Variants in PTPRD observed in about 807,000 individuals in gnomAD.
PTPRD encodes protein tyrosine phosphatase receptor type D.
Under a neutral mutation model 214.5 loss-of-function variants are expected in PTPRD, and 34 were observed. That is an observed-to-expected ratio of 0.16 (90% confidence interval 0.12 to 0.21). The LOEUF (loss-of-function observed/expected upper bound fraction) is 0.21. Among genes scored for constraint, PTPRD ranks in the 10% least tolerant of loss-of-function variants. The pLI is 1.00. For synonymous variants in PTPRD, 1,128 were observed against 845.7 expected, an observed-to-expected ratio of 1.33 and a Z score of -5.79; for missense variants, 2,545 against 2,398.7, an observed-to-expected ratio of 1.06 and a Z score of -1.27.
chr9:8,710,365 C>G (rs1172748153), intron 12 of PTPRD, among the ~76,000 whole-genome samples: 1 of 152,124 alleles, frequency 6.6e-6, no homozygotes, highest in Non-Finnish European at 1.5e-5. Flanking sequence ...GCCTGTAATC[C>G]TAGCACTCTG....
intron 11 of PTPRD, among the ~76,000 whole-genome samples, chr9:8,754,578 C>T (rs568889554): frequency 1.2e-4 from 18 of 152,128 alleles, no homozygotes; most frequent in Admixed American, 2.0e-4. Flanking sequence ...TGACCCTCTA[C>T]CTCACACCAT....
intron 2 of PTPRD, among the ~76,000 whole-genome samples, chr9:10,407,485 T>C (rs188434295): frequency 6.6e-6 from 1 of 151,668 alleles, no homozygotes; most frequent in East Asian, 2.0e-4. Context: ...ATATAGTTGG[T>C]TGGCTAGCAC....
At chr9:10,395,690 C>G (rs553082890) in intron 2 of PTPRD, among the ~76,000 whole-genome samples, 77 of 152,036 alleles carry the variant, frequency 5.1e-4, no homozygotes, top group African/African-American at 1.8e-3. Flanking sequence ...GATATTCATA[C>G]ACATAAGCTG....
intron 11 of PTPRD, among the ~76,000 whole-genome samples, chr9:8,893,589 G>A (rs1016468121): frequency 6.6e-6 from 1 of 152,178 alleles, no homozygotes; most frequent in African/African-American, 2.4e-5. Context: ...GAGCTCTTAT[G>A]GCTTTTTGCT....
rs907727333 is a variant in PTPRD at position 9,025,487 on chromosome 9, C to A, written c.-142-6752G>T. On this transcript the variant is annotated intron_variant, in intron 10 of 45. Coordinates refer to ENST00000381196, the MANE Select transcript of PTPRD (RefSeq NM_002839.4). Reference sequence around the variant, plus strand: ...AGACTTTGACTTAGACATTCTTATTCCCTGATAAAAGACTAGAAAACCCAT... The same window carrying A: ...AGACTTTGACTTAGACATTCTTATTACCTGATAAAAGACTAGAAAACCCAT... Among the ~76,000 whole-genome samples, 7 of 152,050 alleles carry A rather than the reference C, an allele frequency of 4.6e-5. No individual in the cohort carries two copies. The East Asian group carries it at 1.2e-3, about 25-fold the overall frequency.
At chr9:10,354,407 T>A (rs2097235999) in intron 2 of PTPRD, among the ~76,000 whole-genome samples, 1 of 152,180 alleles carries the variant, frequency 6.6e-6, no homozygotes, top group Admixed American at 6.5e-5. Flanking sequence ...CAATCAACTT[T>A]AGGTTCAAAT....
intron 8 of PTPRD, among the ~76,000 whole-genome samples, chr9:9,469,170 T>C (rs2094423974): frequency 6.6e-6 from 1 of 152,078 alleles, no homozygotes; most frequent in South Asian, 2.1e-4. Flanking sequence ...TCCTAAAATA[T>C]TATGTATAAG....
intron 8 of PTPRD, among the ~76,000 whole-genome samples, chr9:9,507,417 G>A (rs2096596390): frequency 6.6e-6 from 1 of 150,972 alleles, no homozygotes; most frequent in South Asian, 2.1e-4. Context: ...GTAAGGCTTT[G>A]TACTAAGAAC....
At chr9:10,066,710 A>T (rs1297821468) in intron 3 of PTPRD, among the ~76,000 whole-genome samples, 1 of 151,922 alleles carries the variant, frequency 6.6e-6, no homozygotes, top group Non-Finnish European at 1.5e-5. Flanking sequence ...TAAGTCTGAG[A>T]TACTCAGAGC....
At chr9:9,648,360 T>C (rs1209935521) in intron 7 of PTPRD, among the ~76,000 whole-genome samples, 1 of 152,210 alleles carries the variant, frequency 6.6e-6, no homozygotes, top group Non-Finnish European at 1.5e-5. Context: ...TAGGGTAATC[T>C]GATACAGTGT....
intron 26 of PTPRD, among the ~76,000 whole-genome samples, chr9:8,496,363 G>A (rs1431871376): frequency 6.6e-6 from 1 of 152,040 alleles, no homozygotes; most frequent in East Asian, 1.9e-4. Flanking sequence ...ACTAATGCAT[G>A]GTCCACTGCT....
chr9:8,880,446 T>C (rs2098436035), intron 11 of PTPRD, among the ~76,000 whole-genome samples: 1 of 152,196 alleles, frequency 6.6e-6, no homozygotes, highest in Admixed American at 6.5e-5. Flanking sequence ...AAGCACAGCA[T>C]ACGATCAACT....
At chr9:9,255,788 G>A (rs964998404) in intron 9 of PTPRD, among the ~76,000 whole-genome samples, 1 of 151,902 alleles carries the variant, frequency 6.6e-6, no homozygotes, top group African/African-American at 2.4e-5. Flanking sequence ...ACAAGATCCG[G>A]GACTTTTTTC....
chr9:9,127,050 A>G (rs533033300), intron 10 of PTPRD, among the ~76,000 whole-genome samples: 23 of 149,208 alleles, frequency 1.5e-4, no homozygotes, highest in African/African-American at 5.7e-4. Context: ...CACATGCACA[A>G]GGAACAAACC....
chr9:8,357,954 G>T (rs1192005312), intron 39 of PTPRD, among the ~76,000 whole-genome samples: 2 of 152,078 alleles, frequency 1.3e-5, no homozygotes, highest in African/African-American at 4.8e-5. Context: ...AGTAACAAAG[G>T]AAACCAATAC....
intron 3 of PTPRD, among the ~76,000 whole-genome samples, chr9:10,185,404 T>C (rs1443287378): frequency 7.2e-5 from 11 of 152,206 alleles, no homozygotes; most frequent in Non-Finnish European, 1.5e-4. Context: ...TGAGAAGTCT[T>C]GTCACTACTC....
intron 36 of PTPRD, among the ~76,000 whole-genome samples, chr9:8,394,294 G>A (rs1175768614): frequency 6.6e-6 from 1 of 152,020 alleles, no homozygotes; most frequent in East Asian, 1.9e-4. Context: ...ATGATGAGGG[G>A]TTTATAATAA....
At chr9:8,716,896 G>C (rs942004231) in intron 12 of PTPRD, among the ~76,000 whole-genome samples, 1 of 152,146 alleles carries the variant, frequency 6.6e-6, no homozygotes, top group African/African-American at 2.4e-5. Context: ...ACTTGTATGA[G>C]AATTGAAAAT....
At chr9:9,085,102 G>A (rs940167966) in intron 10 of PTPRD, among the ~76,000 whole-genome samples, 2 of 152,112 alleles carry the variant, frequency 1.3e-5, no homozygotes, top group African/African-American at 2.4e-5. Context: ...AACAATTTTT[G>A]TGGCTGCTCA....
Sources: gnomAD v4.1 joint callset for allele counts (sites outside exome capture counted in the v4.1 genomes callset) on GRCh38, gnomAD v4.1.1 for gene constraint, MANE v1.5 for transcripts, NCBI Gene and HGNC (gene_info 2026-07-23, HGNC 2026-07-21) for gene names.